The following ABI3BP variants were observed in gnomAD, a reference collection of about 807,000 sequenced individuals.
The protein encoded by ABI3BP is target of Nesh-SH3.
Under a neutral mutation model 268.6 loss-of-function variants are expected in ABI3BP, and 216 were observed. That is an observed-to-expected ratio of 0.80 (90% CI 0.72 to 0.90). ABI3BP has a LOEUF of 0.90. Among genes scored for constraint, ABI3BP ranks in the 40% least tolerant of loss-of-function variants. The pLI, the probability that ABI3BP is intolerant of heterozygous loss-of-function variation, is 0.00. For synonymous variants in ABI3BP, 730 were observed against 730.0 expected, an observed-to-expected ratio of 1.00 and a Z score of 0.00; for missense variants, 2,090 against 2,182.4, an observed-to-expected ratio of 0.96 and a Z score of 0.84.
chr3:100,865,344 G>A (rs558064262), intron 10 of ABI3BP, among the ~76,000 whole-genome samples: 4 of 152,226 alleles, frequency 2.6e-5, no homozygotes, highest in South Asian at 4.2e-4. Context: ...GGATGACTCT[G>A]GGCTAAAAGT....
intron 2 of ABI3BP, among the ~76,000 whole-genome samples, chr3:100,923,276 T>C (rs1402749865): frequency 1.3e-5 from 2 of 152,184 alleles, no homozygotes; most frequent in African/African-American, 4.8e-5. Context: ...AAACAATCTC[T>C]CACATCCTCT....
At chr3:100,891,340 T>A (rs2044550477) in intron 4 of ABI3BP, among the ~76,000 whole-genome samples, 1 of 152,230 alleles carries the variant, frequency 6.6e-6, no homozygotes, top group African/African-American at 2.4e-5. Flanking sequence ...ATGGCTTGCC[T>A]GAAGTTGGCA....
At chr3:100,901,459 T>C (rs114252204) in intron 3 of ABI3BP, among the ~76,000 whole-genome samples, 2,596 of 152,218 alleles carry the variant, frequency 0.017, 29 homozygotes, top group Middle Eastern at 0.034. Context: ...TTGGAGATCA[T>C]TCACATTAGA....
intron 43 of ABI3BP, chr3:100,816,349 T>C (rs2098043890): frequency 2.0e-5 from 9 of 450,390 alleles, no homozygotes; most frequent in Non-Finnish European, 3.6e-5. Context: ...TAAATGCCTG[T>C]TTATGTAATC....
chr3:100,757,579 C>G (rs1251087415), intron 63 of ABI3BP, among the ~76,000 whole-genome samples: 1 of 152,052 alleles, frequency 6.6e-6, no homozygotes, highest in Non-Finnish European at 1.5e-5. Context: ...AAAATATTGC[C>G]TTTTATAACT....
At chr3:100,896,309 A>G (rs1438605959) in intron 4 of ABI3BP, among the ~76,000 whole-genome samples, 2 of 152,168 alleles carry the variant, frequency 1.3e-5, no homozygotes, top group Non-Finnish European at 2.9e-5. Context: ...TCCTAGCTCC[A>G]TTAGGTCATC....
intron 1 of ABI3BP, among the ~76,000 whole-genome samples, chr3:100,948,365 T>G (rs1584558616): frequency 6.6e-6 from 1 of 152,116 alleles, no homozygotes; most frequent in South Asian, 2.1e-4. Context: ...TAGAAAAAAA[T>G]GCTATTTTAA....
At chr3:100,832,154 C>T (rs2098504662) in intron 31 of ABI3BP, 110 bp downstream of exon 31, 3 of 1,036,594 alleles carry the variant, frequency 2.9e-6, no homozygotes, top group Middle Eastern at 4.2e-4. Flanking sequence ...GTAGCTTTTA[C>T]TCTTAAGAGA....
intron 55 of ABI3BP, among the ~76,000 whole-genome samples, chr3:100,790,710 A>AT (rs1031067665): frequency 2.0e-5 from 3 of 151,792 alleles, no homozygotes; most frequent in African/African-American, 7.3e-5. Flanking sequence ...ATTATTTGCA[A>AT]TTTTTTTCTT....
At chr3:100,973,760 T>C (rs1250654307) in intron 1 of ABI3BP, among the ~76,000 whole-genome samples, 4 of 152,136 alleles carry the variant, frequency 2.6e-5, no homozygotes, top group African/African-American at 9.7e-5. Flanking sequence ...CAGTTCAATT[T>C]AAGTTATAGA....
chr3:100,884,562 T>G (rs2040978275), intron 6 of ABI3BP, among the ~76,000 whole-genome samples: 1 of 152,044 alleles, frequency 6.6e-6, no homozygotes, highest in Admixed American at 6.6e-5. Flanking sequence ...AAGTATATAC[T>G]ACTATTTTTT....
At chr3:100,798,628 T>C (rs1490981160) in intron 51 of ABI3BP, among the ~76,000 whole-genome samples, 2 of 152,114 alleles carry the variant, frequency 1.3e-5, no homozygotes, top group African/African-American at 4.8e-5. Flanking sequence ...ATCTGTCTTT[T>C]TGAATAAAGT....
At chr3:100,847,476 G>C in intron 19 of ABI3BP, 126 bp downstream of exon 19, 1 of 819,530 alleles carries the variant, frequency 1.2e-6, no homozygotes, top group Non-Finnish European at 2.0e-6. Context: ...TCTGAGATGG[G>C]CCATGCTGTT....
At chr3:100,787,196 A>C (rs982760105) in intron 57 of ABI3BP, among the ~76,000 whole-genome samples, 1 of 152,146 alleles carries the variant, frequency 6.6e-6, no homozygotes, top group Non-Finnish European at 1.5e-5. Context: ...TGATTAGATT[A>C]GAGCTATGTT....
chr3:100,954,433 A>G (rs1377874516), intron 1 of ABI3BP, among the ~76,000 whole-genome samples: 1 of 152,202 alleles, frequency 6.6e-6, no homozygotes, highest in East Asian at 1.9e-4. Flanking sequence ...AATCAATTTA[A>G]GGCTTATTTT....
chr3:100,802,228 A>G (rs1029900453), intron 51 of ABI3BP, among the ~76,000 whole-genome samples: 1 of 152,200 alleles, frequency 6.6e-6, no homozygotes, highest in Non-Finnish European at 1.5e-5. Context: ...AAGGGAAGAG[A>G]CACGTAGAAC....
chr3:100,750,928 G>A (rs1228861733), intron 67 of ABI3BP, among the ~76,000 whole-genome samples: 4 of 152,114 alleles, frequency 2.6e-5, no homozygotes, highest in Admixed American at 2.0e-4. Context: ...TTAAGTGCCC[G>A]TGAACAAAAT....
At chr3:100,760,715 G>C (rs2095888987) in intron 63 of ABI3BP, among the ~76,000 whole-genome samples, 2 of 152,134 alleles carry the variant, frequency 1.3e-5, no homozygotes, top group South Asian at 4.1e-4. Flanking sequence ...TACTTTATCA[G>C]CTGCTCTATT....
intron 15 of ABI3BP, 125 bp downstream of exon 15, chr3:100,851,749 AG>A (rs762697047): frequency 4.0e-5 from 29 of 720,878 alleles, no homozygotes; most frequent in Middle Eastern, 2.4e-4. Flanking sequence ...TCCCTGACAC[AG>A]GTAGAAATTT....
Sources: gnomAD v4.1 joint callset for allele counts (sites outside exome capture counted in the v4.1 genomes callset) on GRCh38, gnomAD v4.1.1 for gene constraint, MANE v1.5 for transcripts, NCBI Gene and HGNC (gene_info 2026-07-23, HGNC 2026-07-21) for gene names.